The following HEATR4 variants were observed in gnomAD, a reference collection of about 807,000 sequenced individuals.
HEATR4 encodes the protein HEAT repeat containing 4, also known as HEAT repeat-containing protein 4.
HEATR4 carries 95 observed loss-of-function variants against 108.8 expected under a neutral mutation model. The ratio of observed to expected loss-of-function variants is 0.87; its 90% CI spans 0.74 to 1.04. HEATR4 has a LOEUF of 1.04. Among genes scored for constraint, HEATR4 ranks in the 50% least tolerant of loss-of-function variants. HEATR4 has a pLI of 0.00. For missense variants in HEATR4, 1,152 were observed against 1,253.8 expected (o/e 0.92, Z 1.23); for synonymous variants, 443 against 459.4 (o/e 0.96, Z 0.46).
chr14:73,591,064 G>A, the HEATR4 span, among the ~76,000 whole-genome samples: 1 of 152,168 alleles, frequency 6.6e-6, no homozygotes, highest in Admixed American at 6.5e-5. Context: ...GAAACAGGGT[G>A]ACACCTCCTC....
intron 5 of HEATR4, 99 bp from the exon 6 acceptor site, chr14:73,514,333 C>T (rs1475275701): frequency 4.7e-6 from 5 of 1,074,284 alleles, no homozygotes; most frequent in Non-Finnish European, 6.8e-6. Flanking sequence ...CTGACTAATA[C>T]CAAAGCAAAA....
the HEATR4 span, among the ~76,000 whole-genome samples, chr14:73,617,411 T>C: frequency 4.3e-4 from 66 of 151,988 alleles, no homozygotes; most frequent in African/African-American, 1.5e-3. Flanking sequence ...CCCCAGGAGT[T>C]CAAGACCAGC....
chr14:73,498,434 T>A, intron 13 of HEATR4, 90 bp from the exon 14 acceptor site: 6 of 1,131,788 alleles, frequency 5.3e-6, no homozygotes, highest in Non-Finnish European at 7.4e-6. Flanking sequence ...AAACAATACC[T>A]TCCCTTTTGG....
chr14:73,509,862 A>ATTTATT, intron 7 of HEATR4, among the ~76,000 whole-genome samples: 1 of 63,198 alleles, frequency 1.6e-5, no homozygotes, highest in African/African-American at 6.8e-5. Flanking sequence ...ATATATATAT[A>ATTTATT]TATATATTTA....
chr14:73,485,215 T>C (rs2140242300), intron 17 of HEATR4, among the ~76,000 whole-genome samples: 1 of 152,072 alleles, frequency 6.6e-6, no homozygotes, highest in East Asian at 1.9e-4. Context: ...ATAATGTATA[T>C]TGGCTGCATT....
the HEATR4 span, among the ~76,000 whole-genome samples, chr14:73,594,465 C>G: frequency 6.6e-6 from 1 of 151,520 alleles, no homozygotes; most frequent in African/African-American, 2.4e-5. Flanking sequence ...TCAGCATTCT[C>G]TAGTGGATAA....
chr14:73,520,880 G>C lies in HEATR4; in HGVS notation c.1041C>G (p.Asp347Glu). The change falls in exon 4 of 18, where the codon GAC becomes GAG. Residue 347 changes from aspartate (D) to glutamate (E), a missense_variant. Asp to Glu is a conservative substitution (Grantham distance 45, BLOSUM62 2). Coordinates refer to ENST00000553558, the MANE Select transcript of HEATR4 (RefSeq NM_001220484.1). ...AGTAAATCTCCTGTTCAAAGGTGTT[G>C]TCTGTGGAGTAGGCAAACTTTCCAG... ...PRAGKFAYSTDNTFEQEIYFD... is the reference protein window; with the variant it reads ...PRAGKFAYSTENTFEQEIYFD... The C allele has an allele frequency of 6.2e-7, 1 of 1,614,072 alleles. No homozygotes were observed. The highest frequency in any genetic ancestry group is 8.5e-7 in the Non-Finnish European group (1 of 1,179,996).
upstream of HEATR4, among the ~76,000 whole-genome samples, chr14:73,563,487 C>T (rs759900297): frequency 1.3e-5 from 2 of 151,744 alleles, no homozygotes; most frequent in Non-Finnish European, 2.9e-5. Context: ...CCCAGCTACT[C>T]GGGAGGCTGA....
upstream of HEATR4, among the ~76,000 whole-genome samples, chr14:73,562,801 C>G (rs545739940): frequency 2.0e-5 from 3 of 152,090 alleles, no homozygotes; most frequent in South Asian, 4.2e-4. Flanking sequence ...TGTGGTCAGA[C>G]TGGTTCTCTG....
chr14:73,505,831 T>C (rs2041073), intron 10 of HEATR4, among the ~76,000 whole-genome samples: 91,915 of 150,730 alleles, frequency 0.61, 30,033 homozygotes, highest in African/African-American at 0.85. Flanking sequence ...GGGGGAAATA[T>C]GTCATTGACT....
the HEATR4 span, among the ~76,000 whole-genome samples, chr14:73,590,389 C>T: frequency 6.6e-6 from 1 of 152,262 alleles, no homozygotes; most frequent in African/African-American, 2.4e-5. Context: ...CAAGTCCCCA[C>T]CAGACTCAGG....
At chr14:73,511,135 G>A (rs1219388586) in intron 7 of HEATR4, among the ~76,000 whole-genome samples, 1 of 152,164 alleles carries the variant, frequency 6.6e-6, no homozygotes, top group Non-Finnish European at 1.5e-5. Flanking sequence ...TCTACCACTA[G>A]TCTCATTTTA....
intron 17 of HEATR4, among the ~76,000 whole-genome samples, chr14:73,481,378 G>T (rs577353600): frequency 6.6e-6 from 1 of 152,254 alleles, no homozygotes; most frequent in East Asian, 1.9e-4. Context: ...GTGAGATATT[G>T]CAGTGAGGTG....
At position 73,502,941 on chromosome 14, in the gene HEATR4, C is replaced by G; in HGVS notation, c.2059G>C (p.Ala687Pro). ...TTCCCGAGGCTCATTTGCCCAAGCG[C>G]CTGTGCAGCTGCTCTCCTCACTTCC... ...NKEVRRAAAQ[A>P]LGQMSLGKEV... Residue 687 changes from alanine to proline, a missense_variant, in exon 11 of 18, where the codon GCG becomes CCG. Physicochemically the swap from Ala to Pro is conservative, Grantham distance 27 (BLOSUM62 -1). Coordinates refer to ENST00000553558, the MANE Select transcript of HEATR4 (RefSeq NM_001220484.1). 1 of 1,614,054 alleles carries G rather than the reference C, an allele frequency of 6.2e-7. No homozygotes were observed. The highest frequency in any genetic ancestry group is 1.1e-5 in the South Asian group (1 of 91,082).
chr14:73,603,149 T>C, the HEATR4 span, among the ~76,000 whole-genome samples: 1 of 152,348 alleles, frequency 6.6e-6, no homozygotes, highest in Admixed American at 6.5e-5. Flanking sequence ...GGTCTGACTC[T>C]TTCCAGCACA....
At chr14:73,612,643 C>G in the HEATR4 span, 1 of 1,402,082 alleles carries the variant, frequency 7.1e-7, no homozygotes, top group Non-Finnish European at 9.3e-7. Flanking sequence ...TCGCAGTGCG[C>G]GGCCTGGCCC....
intron 1 of HEATR4, among the ~76,000 whole-genome samples, chr14:73,532,764 C>T (rs189008581): frequency 1.8e-5 from 2 of 113,770 alleles, no homozygotes; most frequent in Non-Finnish European, 3.8e-5. Context: ...ACCATCCTAG[C>T]TAACACAGTA....
rs576779343 is a variant in HEATR4, at chr14:73,542,428, G to A, written c.-151-12184C>T. Reference sequence around the variant, plus strand: ...CTTTTTTTTTTTTTTTTTTTAAGACGGAGTCTTGCCGTGTCAACGAGGCTG... The same window carrying A: ...CTTTTTTTTTTTTTTTTTTTAAGACAGAGTCTTGCCGTGTCAACGAGGCTG... On this transcript the variant is annotated intron_variant, in intron 1 of 17. Coordinates refer to ENST00000553558, the MANE Select transcript of HEATR4 (RefSeq NM_001220484.1). Among the ~76,000 whole-genome samples the A allele has an allele frequency of 1.5e-4, 14 of 93,064 alleles. 3 individuals carry two copies. In the South Asian group the frequency reaches 3.4e-3, roughly 23 times the overall value. The allele number at this position is 93,064 out of a possible 152,430, so 61.1% of individuals were successfully genotyped here. A position where few individuals can be genotyped will look rare whatever the true frequency, so the allele number is the denominator to read the frequency against.
At chr14:73,583,130 T>C in the HEATR4 span, among the ~76,000 whole-genome samples, 8 of 151,690 alleles carry the variant, frequency 5.3e-5, no homozygotes, top group Non-Finnish European at 1.0e-4. Context: ...GATCACGAGG[T>C]CAGGAGTTCA....
Sources: allele counts gnomAD v4.1 joint callset (sites outside exome capture counted in the v4.1 genomes callset), GRCh38; gene constraint gnomAD v4.1.1; transcripts MANE v1.5; gene names NCBI Gene and HGNC (gene_info 2026-07-23, HGNC 2026-07-21).